CDON: variants seen among roughly 807,000 people sequenced by gnomAD.
CDON encodes the protein cell adhesion associated, oncogene regulated, also known as cell adhesion molecule-related/down-regulated by oncogenes.
A neutral mutation model predicts 120.9 loss-of-function variants in CDON; 73 were observed. The ratio of observed to expected loss-of-function variants is 0.60; its 90% CI spans 0.50 to 0.73. The LOEUF (loss-of-function observed/expected upper bound fraction) is 0.73. Among genes scored for constraint, CDON ranks in the 30% least tolerant of loss-of-function variants. The pLI is 0.00. For missense variants in CDON, 1,470 were observed against 1,587.3 expected (o/e 0.93, Z 1.26); for synonymous variants, 566 against 573.5 (o/e 0.99, Z 0.19).
At chr11:125,996,718 A>T (rs1565514057) in intron 12 of CDON, among the ~76,000 whole-genome samples, 1 of 151,144 alleles carries the variant, frequency 6.6e-6, no homozygotes, top group Admixed American at 6.6e-5. Context: ...AAAAAAAAAA[A>T]AAAAAGGCTA....
intron 1 of CDON, among the ~76,000 whole-genome samples, chr11:126,051,652 C>CTT (rs66575795): frequency 0.024 from 3,385 of 139,932 alleles, 132 homozygotes; most frequent in African/African-American, 0.08. Flanking sequence ...TATTTTTTTT[C>CTT]TTTTTTTTTT....
intron 16 of CDON, among the ~76,000 whole-genome samples, chr11:125,982,272 CCTTCTATTTT>C (rs1946335798): frequency 6.6e-6 from 1 of 152,096 alleles, no homozygotes; most frequent in Non-Finnish European, 1.5e-5. Context: ...CTCCGCCCAG[CCTTCTATTTT>C]CTTCTATTAA....
At position 126,005,853 on chromosome 11, in the gene CDON, G is replaced by T. The variant is rs770489168; in HGVS notation, c.1757C>A (p.Pro586Gln). Reference protein sequence around the residue: ...VPDAPIILSPPQTHTPDTYNL... With the variant: ...VPDAPIILSPQQTHTPDTYNL... ...GTACGTGTCTGGTGTGTGGGTCTGT[G>T]GGGGGCTCAGTATGATGGGGGCATC... Residue 586 changes from proline (P) to glutamine (Q), a missense_variant, in exon 9 of 20, where the codon CCA (proline) becomes CAA (glutamine). Pro to Gln is a moderately conservative substitution (Grantham distance 76, BLOSUM62 -1). Transcript: ENST00000531738. 1.2e-6 allele frequency: 2 copies of T among 1,613,982 alleles called. No individual in the cohort carries two copies. Among genetic ancestry groups the T allele is most frequent in the Non-Finnish European group, 1.7e-6 (2 of 1,180,012 alleles).
rs568524587 is a variant in CDON at position 126,052,074 on chromosome 11, T to C, written c.-62+10505A>G. Among the ~76,000 whole-genome samples, 31 of 152,238 alleles carry C rather than the reference T, an allele frequency of 2.0e-4. No individual in the cohort carries two copies. The East Asian group carries it at 5.6e-3, about 27-fold the overall frequency. ...TCTCATAATGACTCAAAATTGGCTT[T>C]AGTTAGCCATGGGATTAAAACAAAA... On this transcript the variant is annotated intron_variant, in intron 1 of 19. Coordinates refer to ENST00000531738, the MANE Select transcript of CDON (RefSeq NM_001378964.1).
At chr11:125,994,485 G>A in intron 13 of CDON, 96 bp from the exon 14 acceptor site, 1 of 758,420 alleles carries the variant, frequency 1.3e-6, no homozygotes, top group Admixed American at 2.0e-5. Flanking sequence ...ATTTTTCTAG[G>A]TTCATTTTGC....
chr11:125,967,406 A>G (rs1019399230), intron 18 of CDON, among the ~76,000 whole-genome samples: 2 of 152,182 alleles, frequency 1.3e-5, no homozygotes, highest in African/African-American at 2.4e-5. Flanking sequence ...GTCCTAGTTC[A>G]ATATTGATTC....
rs1947259818 is a variant in CDON at position 126,010,416 on chromosome 11, C to G, written c.1477G>C (p.Glu493Gln). The G allele has an allele frequency of 1.2e-6, 2 of 1,613,970 alleles. No individual in the cohort carries two copies. Among genetic ancestry groups the G allele is most frequent in the African/African-American group, 2.7e-5 (2 of 74,922 alleles). ...TCGCAGATGTATTTCCCCGCATGTTCCTGAGTCACAGCCTGAATATGGAGA... is the reference window on the plus strand; with the variant it reads ...TCGCAGATGTATTTCCCCGCATGTTGCTGAGTCACAGCCTGAATATGGAGA... ...SSLHIQAVTQ[E>Q]HAGKYICEAA... The change falls in exon 8 of 20, where the codon GAA (glutamate) becomes CAA (glutamine). Residue 493 changes from glutamate to glutamine, a missense_variant. By Grantham distance (29) the Glu-to-Gln change is conservative (BLOSUM62 2). Transcript: ENST00000531738.
intron 17 of CDON, 111 bp downstream of exon 17, chr11:125,980,938 G>A (rs1044691596): frequency 1.0e-5 from 11 of 1,085,432 alleles, no homozygotes; most frequent in East Asian, 2.4e-5. Flanking sequence ...GTTTCCATTC[G>A]AGGAAACTTG....
At position 126,041,018 on chromosome 11, in the gene CDON, G is replaced by A. The variant is rs181986657; in HGVS notation, c.-61-17481C>T. 5.3e-5 allele frequency among the ~76,000 whole-genome samples: 8 copies of A among 150,576 alleles called. No homozygotes were observed. The East Asian group carries it at 1.4e-3, about 26-fold the overall frequency. ...AGCCTGACCAACATGGTGAAAACCC[G>A]TCTCCACTAAAAATACAAAAATTAG... On this transcript the variant is annotated intron_variant, in intron 1 of 19. Coordinates refer to ENST00000531738, the MANE Select transcript of CDON (RefSeq NM_001378964.1).
chr11:125,981,012 G>T, intron 17 of CDON, 37 bp downstream of exon 17: 1 of 1,610,404 alleles, frequency 6.2e-7, no homozygotes, highest in South Asian at 1.1e-5. Flanking sequence ...GCACCCTGAG[G>T]GACAGAGGGG....
chr11:126,052,513 T>C (rs1477546669), intron 1 of CDON, among the ~76,000 whole-genome samples: 2 of 152,000 alleles, frequency 1.3e-5, no homozygotes, highest in Non-Finnish European at 2.9e-5. Flanking sequence ...CCAAAAATAT[T>C]TGGAAAATAA....
chr11:126,048,113 C>G (rs765116018), intron 1 of CDON, among the ~76,000 whole-genome samples: 1 of 151,878 alleles, frequency 6.6e-6, no homozygotes, highest in Admixed American at 6.6e-5. Context: ...CTCGTCTTTA[C>G]TAAAAATACA....
At chr11:125,976,498 C>A (rs1946152271) in intron 18 of CDON, among the ~76,000 whole-genome samples, 1 of 152,008 alleles carries the variant, frequency 6.6e-6, no homozygotes, top group Non-Finnish European at 1.5e-5. Context: ...TGTAGTAAGT[C>A]ATTAACTTGA....
intron 7 of CDON, 69 bp downstream of exon 7, chr11:126,015,172 T>C (rs1253438710): frequency 6.9e-7 from 1 of 1,446,016 alleles, no homozygotes. Context: ...AATAATTTCA[T>C]TTTTGACCAC....
chr11:126,060,575 G>C (rs967813497), intron 1 of CDON, among the ~76,000 whole-genome samples: 4 of 151,516 alleles, frequency 2.6e-5, no homozygotes, highest in Non-Finnish European at 4.4e-5. Flanking sequence ...AAATTCTACA[G>C]AAGGAAAATT....
At chr11:126,003,685 T>A (rs1478717665) in intron 10 of CDON, among the ~76,000 whole-genome samples, 1 of 152,096 alleles carries the variant, frequency 6.6e-6, no homozygotes. Flanking sequence ...CCGGGCATGG[T>A]GGCACGCACC....
chr11:125,983,214 G>C (rs1177790474), intron 16 of CDON, among the ~76,000 whole-genome samples: 1 of 152,128 alleles, frequency 6.6e-6, no homozygotes, highest in Non-Finnish European at 1.5e-5. Context: ...TTTTATAATA[G>C]CTGAGATAAC....
chr11:125,978,261 T>C, intron 18 of CDON, 43 bp downstream of exon 18: 1 of 1,042,368 alleles, frequency 9.6e-7, no homozygotes, highest in Non-Finnish European at 1.5e-6. Context: ...AGGATGCATA[T>C]GCCTTATTCA....
At chr11:126,007,585 G>A (rs749660990) in intron 8 of CDON, among the ~76,000 whole-genome samples, 9 of 152,126 alleles carry the variant, frequency 5.9e-5, no homozygotes, top group Non-Finnish European at 1.2e-4. Context: ...TGGATCCTCC[G>A]GGCAGTTTTC....
Sources: allele counts gnomAD v4.1 joint callset (sites outside exome capture counted in the v4.1 genomes callset), GRCh38; gene constraint gnomAD v4.1.1; transcripts MANE v1.5; gene names NCBI Gene and HGNC (gene_info 2026-07-23, HGNC 2026-07-21).